Variants in SSPN observed in about 807,000 individuals in gnomAD.
The protein encoded by SSPN is K-ras oncogene-associated protein.
In SSPN, 15 loss-of-function variants were observed where a neutral mutation model predicts 19.1. The observed-to-expected ratio is 0.78, with a 90% CI of 0.52 to 1.21. The LOEUF is 1.21. SSPN is among the 50% of genes most tolerant of loss of function. The pLI is 0.00. For missense variants in SSPN, 291 were observed against 314.0 expected (o/e 0.93, Z 0.55); for synonymous variants, 147 against 140.3 (o/e 1.05, Z -0.34).
chr12:26,225,066 C>T (rs1375932263), intron 2 of SSPN, among the ~76,000 whole-genome samples: 1 of 151,976 alleles, frequency 6.6e-6, no homozygotes, highest in Non-Finnish European at 1.5e-5. Flanking sequence ...AAAGCAAATT[C>T]CTTCATTTTC....
chr12:26,177,354 A>G (rs1044397092), intron 1 of SSPN, among the ~76,000 whole-genome samples: 7 of 152,172 alleles, frequency 4.6e-5, no homozygotes, highest in South Asian at 2.1e-4. Context: ...ATGGCTCTAG[A>G]CACTCAGATA....
chr12:26,217,935 A>C (rs918111031), intron 1 of SSPN, among the ~76,000 whole-genome samples: 3 of 152,258 alleles, frequency 2.0e-5, no homozygotes, highest in Admixed American at 1.3e-4. Flanking sequence ...TAGAACTGGA[A>C]ATACCATTTG....
chr12:26,184,888 T>C (rs1482315417), intron 1 of SSPN, among the ~76,000 whole-genome samples: 1 of 152,112 alleles, frequency 6.6e-6, no homozygotes, highest in Non-Finnish European at 1.5e-5. Flanking sequence ...AATATCCATG[T>C]CCCATGAGCA....
intron 1 of SSPN, chr12:26,125,071 C>T: frequency 2.0e-6 from 1 of 509,080 alleles, no homozygotes; most frequent in Non-Finnish European, 3.6e-6. Context: ...GCCAGACCAG[C>T]ACCCAGCTCA....
intron 1 of SSPN, among the ~76,000 whole-genome samples, chr12:26,136,040 A>G (rs1297935202): frequency 1.3e-5 from 2 of 152,222 alleles, no homozygotes; most frequent in Non-Finnish European, 2.9e-5. Context: ...CTTAGGATAT[A>G]AATATTTGAA....
chr12:26,234,184 C>T lies in SSPN; in HGVS notation c.*3108C>T, dbSNP rs1945263318. 6.6e-6 allele frequency: 1 copy of T among 152,096 alleles called. No individual in the cohort carries two copies. Among genetic ancestry groups the T allele is most frequent in the African/African-American group, 2.4e-5 (1 of 41,404 alleles). 9.4% of individuals were successfully genotyped at this position (152,096 alleles called of 1,614,324 possible). A position where few individuals can be genotyped will look rare whatever the true frequency, so the allele number is the denominator to read the frequency against. ...ATTCTTATACTTCCCTTTTTGCATG[C>T]AGTATGTCTGGAATATGTTTATAAA... On this transcript the variant is annotated 3_prime_UTR_variant, in exon 3 of 3. Coordinates refer to ENST00000242729, the MANE Select transcript of SSPN (RefSeq NM_005086.5).
At chr12:26,226,635 G>C (rs760428071) in intron 2 of SSPN, among the ~76,000 whole-genome samples, 2 of 152,098 alleles carry the variant, frequency 1.3e-5, no homozygotes, top group Non-Finnish European at 2.9e-5. Context: ...TCTGGGCTTG[G>C]CTGGGCATCG....
intron 1 of SSPN, chr12:26,180,141 G>T (rs910396332): frequency 6.6e-6 from 1 of 152,132 alleles, no homozygotes; most frequent in Non-Finnish European, 1.5e-5. Context: ...ATTGAAAAAA[G>T]TTGATGAATT....
At chr12:26,156,388 C>G (rs759188899) in intron 1 of SSPN, among the ~76,000 whole-genome samples, 1 of 152,100 alleles carries the variant, frequency 6.6e-6, no homozygotes, top group Non-Finnish European at 1.5e-5. Flanking sequence ...GCATCTACCT[C>G]GAATGGTGGG....
chr12:26,177,507 C>A (rs1350459490), intron 1 of SSPN, among the ~76,000 whole-genome samples: 2 of 152,196 alleles, frequency 1.3e-5, no homozygotes, highest in Non-Finnish European at 2.9e-5. Context: ...CCAGGCATCA[C>A]ACATGACTCA....
intron 1 of SSPN, among the ~76,000 whole-genome samples, chr12:26,127,504 C>T (rs767378298): frequency 7.2e-5 from 11 of 152,162 alleles, no homozygotes; most frequent in Non-Finnish European, 1.3e-4. Context: ...TCCCGTGATA[C>T]CTACTCAAAC....
upstream of SSPN, among the ~76,000 whole-genome samples, chr12:26,191,491 A>C (rs1944787196): frequency 6.6e-6 from 1 of 152,158 alleles, no homozygotes; most frequent in South Asian, 2.1e-4. Flanking sequence ...AGAAAGTCAT[A>C]AGCCCTTTGT....
intron 1 of SSPN, among the ~76,000 whole-genome samples, chr12:26,137,886 G>A (rs764164162): frequency 2.6e-5 from 4 of 151,050 alleles, no homozygotes; most frequent in African/African-American, 9.8e-5. Context: ...GGCTGGTCTC[G>A]AACTCCTGTC....
intron 1 of SSPN, among the ~76,000 whole-genome samples, chr12:26,206,236 A>G (rs1036930531): frequency 6.6e-6 from 1 of 152,036 alleles, no homozygotes; most frequent in African/African-American, 2.4e-5. Context: ...GGGGACACTG[A>G]CCTCCTCATG....
chr12:26,225,822 C>T (rs1331717617), intron 2 of SSPN, among the ~76,000 whole-genome samples: 2 of 150,096 alleles, frequency 1.3e-5, no homozygotes, highest in Non-Finnish European at 3.0e-5. Flanking sequence ...CATCCAGTAG[C>T]TGAAGAACAC....
At chr12:26,228,431 G>C (rs1489223896) in intron 2 of SSPN, among the ~76,000 whole-genome samples, 3 of 151,922 alleles carry the variant, frequency 2.0e-5, no homozygotes, top group Non-Finnish European at 4.4e-5. Context: ...AGGTAGGAAG[G>C]TTATCACAAG....
chr12:26,155,469 G>A lies in SSPN; in HGVS notation c.-31+33317G>A, dbSNP rs148018528. Among the ~76,000 whole-genome samples, 32 of 152,234 alleles carry A rather than the reference G, an allele frequency of 2.1e-4. No individual in the cohort carries two copies. The East Asian group carries it at 2.1e-3, about 10-fold the overall frequency. ...AGTGACCCTCACGTTACCCTTAAAT[G>A]GTAATGGCACACAACCTGAAAGCCT... On this transcript the variant is annotated intron_variant, in intron 1 of 2. Transcript: ENST00000538142.
At chr12:26,191,504 A>T (rs897082410), upstream of SSPN, among the ~76,000 whole-genome samples, 2 of 152,168 alleles carry the variant, frequency 1.3e-5, no homozygotes, top group African/African-American at 4.8e-5. Flanking sequence ...CCCTTTGTTG[A>T]CCATAAAGAT....
At chr12:26,122,611 CTGCCGCCGCCGCCGCGCCGCCCCCCG>C in intron 1 of SSPN, 2 of 1,136,964 alleles carry the variant, frequency 1.8e-6, no homozygotes, top group Non-Finnish European at 2.1e-6. Context: ...AGAAGCGCGG[CTGCCGCCGCCGCCGCGCCGCCCCCCG>C]GGCCGCCGCC....
Sources: allele counts gnomAD v4.1 joint callset (sites outside exome capture counted in the v4.1 genomes callset), GRCh38; gene constraint gnomAD v4.1.1; transcripts MANE v1.5; gene names NCBI Gene and HGNC (gene_info 2026-07-23, HGNC 2026-07-21).